MS4A13: variants seen among roughly 807,000 people sequenced by gnomAD.
MS4A13 encodes membrane-spanning 4-domains subfamily A member 13.
In MS4A13, 21 loss-of-function variants were observed where a neutral mutation model predicts 18.4. That is an observed-to-expected ratio of 1.14 (90% CI 0.81 to 1.64). The LOEUF is 1.64. Ranked by LOEUF, MS4A13 falls within the 40% of genes most tolerant of loss-of-function variation. The pLI is 0.00. For missense variants in MS4A13, 173 were observed against 176.8 expected (o/e 0.98, Z 0.12); for synonymous variants, 62 against 57.2 (o/e 1.08, Z -0.38).
At chr11:60,542,450 A>C (rs917577455) in intron 6 of MS4A13, 69 bp from the exon 7 acceptor site, 7 of 1,041,408 alleles carry the variant, frequency 6.7e-6, no homozygotes, top group Admixed American at 2.2e-5. Context: ...TTTAAGAAAA[A>C]GATCTATTTA....
chr11:60,525,299 T>G lies in MS4A13; in HGVS notation c.279T>G (p.Ser93=). ...LTIIELSHFN[S]VSYRNYGQAK... ...TAATAGAGTTGTCTCATTTTAATTC[T>G]GTGTCATACAGGAATTATGGACAAG... Residue 93 remains serine (S), a synonymous_variant, in exon 5 of 7, where the codon TCT becomes TCG. Coordinates refer to ENST00000378186, the MANE Select transcript of MS4A13 (RefSeq NM_001012417.3). 1 of 1,590,176 alleles carries G rather than the reference T, an allele frequency of 6.3e-7. No individual in the cohort carries two copies. The highest frequency in any genetic ancestry group is 8.6e-7 in the Non-Finnish European group (1 of 1,162,172).
intron 6 of MS4A13, among the ~76,000 whole-genome samples, chr11:60,532,764 G>A (rs1235933321): frequency 3.2e-5 from 4 of 125,572 alleles, no homozygotes; most frequent in South Asian, 6.3e-4. Context: ...GCAGACTTAA[G>A]TGTCCCTGTC....
chr11:60,538,142 C>G (rs1590881438), intron 6 of MS4A13, among the ~76,000 whole-genome samples: 2 of 129,314 alleles, frequency 1.5e-5, no homozygotes, highest in Admixed American at 8.8e-5. Flanking sequence ...CTAACCTGCA[C>G]AATGTGCACA....
chr11:60,541,927 C>T (rs542633942), intron 6 of MS4A13, among the ~76,000 whole-genome samples: 4 of 151,798 alleles, frequency 2.6e-5, no homozygotes, highest in South Asian at 4.2e-4. Flanking sequence ...GGTGAAACCC[C>T]GTCTCTACTA....
intron 6 of MS4A13, among the ~76,000 whole-genome samples, chr11:60,538,952 G>C (rs1184140825): frequency 2.3e-5 from 3 of 132,184 alleles, no homozygotes; most frequent in African/African-American, 5.7e-5. Flanking sequence ...GCTGAGAGCA[G>C]CTGCCTGTCA....
chr11:60,532,540 G>A (rs2086778620), intron 6 of MS4A13, among the ~76,000 whole-genome samples: 1 of 152,204 alleles, frequency 6.6e-6, no homozygotes, highest in African/African-American at 2.4e-5. Context: ...GAATCTCGCT[G>A]ATTGCTAGCA....
At position 60,542,676 on chromosome 11, in the gene MS4A13, G is replaced by C. The variant is rs2086870848; in HGVS notation, c.*101G>C. On this transcript the variant is annotated 3_prime_UTR_variant, in exon 7 of 7. Coordinates refer to ENST00000378186, the MANE Select transcript of MS4A13 (RefSeq NM_001012417.3). ...CAGTTACGAAGCCTACAGATTTTGT[G>C]CAAAATAAAATACAAACAAGGTGAA... 1.8e-5 allele frequency: 12 copies of C among 652,890 alleles called. No homozygotes were observed. The highest frequency in any genetic ancestry group is 2.3e-5 in the Non-Finnish European group (9 of 398,282). The allele number at this position is 652,890 out of a possible 1,614,324, so 40.4% of individuals were successfully genotyped here.
chr11:60,538,230 G>A lies in MS4A13; in HGVS notation c.403-4289G>A, dbSNP rs539626664. 2.7e-5 allele frequency among the ~76,000 whole-genome samples: 4 copies of A among 150,010 alleles called. No individual in the cohort carries two copies. The South Asian group carries it at 8.5e-4, about 32-fold the overall frequency. On this transcript the variant is annotated intron_variant, in intron 6 of 6. Transcript: ENST00000378186. ...CAAAGTTGAACTCATAGAAGCAGAA[G>A]GTAGAATGATGAATACCAGAGGCTG...
At chr11:60,524,108 A>G (rs1590872953) in intron 4 of MS4A13, among the ~76,000 whole-genome samples, 155 bp downstream of exon 4, 1 of 152,174 alleles carries the variant, frequency 6.6e-6, no homozygotes, top group African/African-American at 2.4e-5. Context: ...AACATAATTT[A>G]ATATAGACAA....
chr11:60,518,066 T>C lies in MS4A13; in HGVS notation c.-12-6T>C, dbSNP rs1228723036. On this transcript the variant is annotated splice_region_variant and splice_polypyrimidine_tract_variant and intron_variant, in intron 2 of 6. Transcript: ENST00000378186. ...TTTCGGTACTAACATAATTCTCTTC[T>C]CACAGACTATCCAGATTATGATTGG... 2 of 1,574,434 alleles carry C rather than the reference T, an allele frequency of 1.3e-6. No individual in the cohort carries two copies. The highest frequency in any genetic ancestry group is 1.7e-6 in the Non-Finnish European group (2 of 1,154,122).
intron 4 of MS4A13, 121 bp downstream of exon 4, chr11:60,524,074 A>C: frequency 1.7e-6 from 1 of 592,756 alleles, no homozygotes. Context: ...AAGTAAATGA[A>C]AGAATTAAGA....
intron 4 of MS4A13, among the ~76,000 whole-genome samples, chr11:60,524,795 G>A (rs2086701745): frequency 6.6e-6 from 1 of 151,764 alleles, no homozygotes; most frequent in South Asian, 2.1e-4. Flanking sequence ...AAGTAGCTGG[G>A]CCTACAGGTG....
intron 5 of MS4A13, 84 bp from the exon 6 acceptor site, chr11:60,529,281 T>TTAATAA: frequency 3.6e-6 from 1 of 274,670 alleles, no homozygotes; most frequent in Non-Finnish European, 7.2e-6. Flanking sequence ...TTTTTGACTC[T>TTAATAA]CATACCAGTA....
At chr11:60,523,546 T>C (rs914571932) in intron 3 of MS4A13, among the ~76,000 whole-genome samples, 6 of 152,160 alleles carry the variant, frequency 3.9e-5, no homozygotes, top group African/African-American at 1.4e-4. Context: ...ATCATCTCAT[T>C]AGGAAGGATA....
chr11:60,521,049 G>A (rs1440446738), intron 3 of MS4A13, among the ~76,000 whole-genome samples: 2 of 152,230 alleles, frequency 1.3e-5, no homozygotes, highest in Non-Finnish European at 2.9e-5. Context: ...ACCCTCTGAG[G>A]CCATGGCCCA....
intron 5 of MS4A13, among the ~76,000 whole-genome samples, chr11:60,527,814 T>C (rs1308520400): frequency 6.6e-6 from 1 of 151,950 alleles, no homozygotes; most frequent in African/African-American, 2.4e-5. Flanking sequence ...CCAGCCTGGG[T>C]GATAGAGCGA....
At chr11:60,518,714 G>T (rs1471014721) in intron 3 of MS4A13, among the ~76,000 whole-genome samples, 4 of 152,158 alleles carry the variant, frequency 2.6e-5, no homozygotes, top group African/African-American at 4.8e-5. Context: ...ATTATATTTT[G>T]TTGTTTTGTC....
rs566969565 is a variant in MS4A13, at chr11:60,526,622, C to T, written c.306+1296C>T. On this transcript the variant is annotated intron_variant, in intron 5 of 6. Coordinates refer to ENST00000378186, the MANE Select transcript of MS4A13 (RefSeq NM_001012417.3). The stretch of plus-strand genomic sequence containing the variant: ...TATTAGACTTATATCTCAAAGCCAC[C>T]ATCTTTTTCTAGTGTCATTACAGAA... Among the ~76,000 whole-genome samples the T allele has an allele frequency of 1.3e-4, 20 of 152,294 alleles. No individual in the cohort carries two copies. In the South Asian group the frequency reaches 3.9e-3, roughly 30 times the overall value.
downstream of MS4A13, chr11:60,542,856 CT>C: frequency 4.3e-6 from 1 of 232,688 alleles, no homozygotes; most frequent in Non-Finnish European, 8.3e-6. Flanking sequence ...TTGTAAGAGA[CT>C]GTAAAAAAGA....
Sources: gnomAD v4.1 joint callset for allele counts (sites outside exome capture counted in the v4.1 genomes callset) on GRCh38, gnomAD v4.1.1 for gene constraint, MANE v1.5 for transcripts, NCBI Gene and HGNC (gene_info 2026-07-23, HGNC 2026-07-21) for gene names.